DNM3: variants seen among roughly 807,000 people sequenced by gnomAD.
The protein encoded by DNM3 is dynamin-3.
Under a neutral mutation model 101.6 loss-of-function variants are expected in DNM3, and 47 were observed. The observed-to-expected ratio is 0.46, with a 90% CI of 0.37 to 0.59. The LOEUF (loss-of-function observed/expected upper bound fraction) is 0.59. Among genes scored for constraint, DNM3 ranks in the 20% least tolerant of loss-of-function variants. The probability of loss-of-function intolerance (pLI) is 0.00; values close to 1 mark genes in which losing one functional copy is unlikely to be tolerated. For synonymous variants in DNM3, 385 were observed against 387.9 expected (o/e 0.99, Z 0.09); for missense variants, 849 against 1,085.7 (o/e 0.78, Z 3.06).
At chr1:172,387,829 G>T (rs888808434) in intron 19 of DNM3, among the ~76,000 whole-genome samples, 2 of 152,118 alleles carry the variant, frequency 1.3e-5, no homozygotes, top group African/African-American at 4.8e-5. Context: ...TAAAAATGCA[G>T]CACAGTGCAT....
At chr1:172,056,093 G>A (rs939369633) in intron 10 of DNM3, among the ~76,000 whole-genome samples, 11 of 152,180 alleles carry the variant, frequency 7.2e-5, no homozygotes, top group Non-Finnish European at 1.5e-4. Context: ...ACGGCACCTG[G>A]AAAATCGGGT....
Position 172,044,406 on chromosome 1 carries a change from T to G in DNM3, c.1150T>G (p.Leu384Val), listed in dbSNP as rs779057502. The part of the protein sequence containing the change: ...IVKMEFNEKE[L>V]RREISYAIKN... ...GCAGATGGAGTTCAATGAGAAAGAA[T>G]TGCGAAGAGAAATAAGCTATGCAAT... Residue 384 changes from leucine to valine, a missense_variant, in exon 9 of 21, where the codon TTG (leucine) becomes GTG (valine). Around this residue, in one of 5 missense-constraint regions of DNM3, gnomAD observed 388 missense variants for 483.0 expected, o/e 0.80. Coordinates refer to ENST00000627582, the MANE Select transcript of DNM3 (RefSeq NM_015569.5). 2 of 1,608,334 alleles carry G rather than the reference T, an allele frequency of 1.2e-6. No individual in the cohort carries two copies. The highest frequency in any genetic ancestry group is 1.7e-6 in the Non-Finnish European group (2 of 1,177,420).
Position 172,307,234 on chromosome 1 carries a change from T to C in DNM3, c.1770-1494T>C, listed in dbSNP as rs1032025557. ...AAAGTGGGCAAAGCATATGAACAGA[T>C]ACTTCTCAAAAGAAAACATTTATGC... On this transcript the variant is annotated intron_variant, in intron 15 of 20. Transcript: ENST00000627582. 2.0e-5 allele frequency among the ~76,000 whole-genome samples: 3 copies of C among 152,110 alleles called. 1 individual carries two copies. Among genetic ancestry groups the C allele is most frequent in the Non-Finnish European group, 4.4e-5 (3 of 68,004 alleles).
intron 1 of DNM3, among the ~76,000 whole-genome samples, chr1:171,875,811 C>CTTTTTT (rs1432820415): frequency 9.0e-4 from 40 of 44,678 alleles, no homozygotes; most frequent in African/African-American, 6.2e-3. Context: ...AGAGTTGTCT[C>CTTTTTT]TCTTTTTTTT....
intron 13 of DNM3, among the ~76,000 whole-genome samples, chr1:172,124,862 C>G (rs2056533496): frequency 6.6e-6 from 1 of 152,202 alleles, no homozygotes; most frequent in Admixed American, 6.6e-5. Flanking sequence ...CTCTCGAGGC[C>G]TGCCAGGCCT....
At chr1:172,029,618 C>A (rs933139484) in intron 4 of DNM3, among the ~76,000 whole-genome samples, 20 of 152,190 alleles carry the variant, frequency 1.3e-4, no homozygotes, top group African/African-American at 4.8e-4. Context: ...GTGAAATTAT[C>A]CCTGTTTGCA....
At chr1:172,226,282 G>A (rs893283773) in intron 14 of DNM3, among the ~76,000 whole-genome samples, 2 of 152,134 alleles carry the variant, frequency 1.3e-5, no homozygotes, top group Admixed American at 6.5e-5. Flanking sequence ...TGTTATGCCA[G>A]TCTCCAAAAG....
downstream of DNM3, among the ~76,000 whole-genome samples, chr1:172,416,848 A>AGCCCCT (rs1553256817): frequency 6.6e-6 from 1 of 152,114 alleles, no homozygotes; most frequent in Admixed American, 6.6e-5. Context: ...CAGACCCCCT[A>AGCCCCT]GCCCCTGCCC....
At chr1:171,952,900 A>G (rs1481838386) in intron 2 of DNM3, among the ~76,000 whole-genome samples, 1 of 152,154 alleles carries the variant, frequency 6.6e-6, no homozygotes, top group Non-Finnish European at 1.5e-5. Context: ...CTCATCATTA[A>G]TAGAACCAGT....
At chr1:172,295,149 C>T (rs2064105197) in intron 15 of DNM3, among the ~76,000 whole-genome samples, 1 of 152,104 alleles carries the variant, frequency 6.6e-6, no homozygotes, top group African/African-American at 2.4e-5. Flanking sequence ...AACAAGAAGA[C>T]AACCCAAAGA....
intron 2 of DNM3, among the ~76,000 whole-genome samples, chr1:171,946,216 C>G (rs542350217): frequency 1.1e-3 from 164 of 152,168 alleles, no homozygotes; most frequent in African/African-American, 3.9e-3. Flanking sequence ...GTTCAGTTAC[C>G]TGGGGCCTGC....
intron 10 of DNM3, among the ~76,000 whole-genome samples, chr1:172,062,633 A>G (rs1196140378): frequency 6.6e-6 from 1 of 152,122 alleles, no homozygotes; most frequent in Non-Finnish European, 1.5e-5. Flanking sequence ...CCTAGTTGGG[A>G]TCTGGCACTC....
downstream of DNM3, among the ~76,000 whole-genome samples, chr1:172,416,722 T>C (rs1308742940): frequency 6.6e-6 from 1 of 152,184 alleles, no homozygotes; most frequent in African/African-American, 2.4e-5. Context: ...TCGAAAATAG[T>C]TTCTGTTTTC....
chr1:172,042,266 A>C, intron 8 of DNM3, 122 bp downstream of exon 8: 2 of 879,810 alleles, frequency 2.3e-6, no homozygotes, highest in Non-Finnish European at 3.1e-6. Context: ...CAAAACCTCC[A>C]TATTCAGGTA....
intron 1 of DNM3, among the ~76,000 whole-genome samples, chr1:171,847,896 C>CTCTCTGTGTGTGTG (rs1200145388): frequency 7.1e-6 from 1 of 141,156 alleles, no homozygotes; most frequent in African/African-American, 2.7e-5. Context: ...CTCTCTCTCT[C>CTCTCTGTGTGTGTG]TGTGTGTGTG....
At chr1:172,119,680 A>T (rs551572667) in intron 13 of DNM3, among the ~76,000 whole-genome samples, 2 of 152,280 alleles carry the variant, frequency 1.3e-5, no homozygotes, top group East Asian at 3.9e-4. Flanking sequence ...TCTGATCCAG[A>T]CATCTTTACA....
intron 1 of DNM3, among the ~76,000 whole-genome samples, chr1:171,896,532 C>T (rs1033800707): frequency 6.6e-6 from 1 of 152,154 alleles, no homozygotes; most frequent in African/African-American, 2.4e-5. Flanking sequence ...TGCTTATCAG[C>T]TTAAGGAGAT....
chr1:172,121,423 A>G (rs2056312820), intron 13 of DNM3, among the ~76,000 whole-genome samples: 6 of 152,278 alleles, frequency 3.9e-5, no homozygotes, highest in Admixed American at 3.9e-4. Flanking sequence ...AATAATTTTA[A>G]GAATCAAGAT....
intron 4 of DNM3, among the ~76,000 whole-genome samples, chr1:172,016,200 G>GA (rs569247039): frequency 6.5e-4 from 92 of 141,698 alleles, no homozygotes; most frequent in Non-Finnish European, 7.3e-4. Flanking sequence ...AAAAAAAAAA[G>GA]AAAAAAAAAA....
Sources: gnomAD v4.1 joint callset for allele counts (sites outside exome capture counted in the v4.1 genomes callset) on GRCh38, gnomAD v4.1.1 for gene constraint, gnomAD v4.1.1 regional missense constraint, MANE v1.5 for transcripts, NCBI Gene and HGNC (gene_info 2026-07-23, HGNC 2026-07-21) for gene names.